AGBL1: variants seen among roughly 807,000 people sequenced by gnomAD.
AGBL1 encodes cytosolic carboxypeptidase 4.
In AGBL1, 130 loss-of-function variants were observed where a neutral mutation model predicts 118.9. That is an observed-to-expected ratio of 1.09 (90% CI 0.95 to 1.26). The LOEUF (loss-of-function observed/expected upper bound fraction) is 1.26, where lower values mean the gene tolerates loss of function less well. AGBL1 is among the 50% of genes most tolerant of loss of function. The pLI, the probability that AGBL1 is intolerant of heterozygous loss-of-function variation, is 0.00. For synonymous variants in AGBL1, 555 were observed against 478.9 expected (o/e 1.16, Z -2.08); for missense variants, 1,584 against 1,298.1 (o/e 1.22, Z -3.38).
chr15:86,529,792 G>A (rs916636175), intron 19 of AGBL1, among the ~76,000 whole-genome samples: 21 of 151,816 alleles, frequency 1.4e-4, no homozygotes, highest in Non-Finnish European at 3.1e-4. Context: ...GAAGAGACTG[G>A]GGGCCAATAT....
intron 21 of AGBL1, among the ~76,000 whole-genome samples, chr15:86,669,679 T>A (rs558627966): frequency 6.6e-6 from 1 of 152,346 alleles, no homozygotes; most frequent in African/African-American, 2.4e-5. Context: ...TAGGCATATA[T>A]AACTTTTAAA....
chr15:86,287,347 T>G (rs2141745948), intron 16 of AGBL1, among the ~76,000 whole-genome samples: 1 of 152,288 alleles, frequency 6.6e-6, no homozygotes, highest in Non-Finnish European at 1.5e-5. Context: ...TGCAGATGCC[T>G]TTTAGTTTGG....
At chr15:86,446,147 A>G (rs1034150755) in intron 18 of AGBL1, among the ~76,000 whole-genome samples, 2 of 152,198 alleles carry the variant, frequency 1.3e-5, no homozygotes, top group Non-Finnish European at 2.9e-5. Flanking sequence ...ATTCAAGAGG[A>G]TGAGCTAAAG....
intron 17 of AGBL1, chr15:86,296,086 A>T (rs1311062040): frequency 3.9e-5 from 6 of 152,236 alleles, no homozygotes; most frequent in South Asian, 2.1e-4. Flanking sequence ...ACGTATACAG[A>T]CACGTACACA....
chr15:86,571,065 G>T (rs564352180), intron 21 of AGBL1, among the ~76,000 whole-genome samples: 4 of 152,138 alleles, frequency 2.6e-5, no homozygotes, highest in Non-Finnish European at 5.9e-5. Flanking sequence ...GCTCTTGGCC[G>T]AGCTGTGGCT....
intron 22 of AGBL1, among the ~76,000 whole-genome samples, chr15:86,886,369 G>T (rs1363067414): frequency 1.3e-5 from 2 of 152,182 alleles, no homozygotes; most frequent in African/African-American, 4.8e-5. Context: ...TTTAAGGTAT[G>T]AATTCTCTTA....
At chr15:86,855,058 G>C (rs2079459150) in intron 22 of AGBL1, among the ~76,000 whole-genome samples, 1 of 152,198 alleles carries the variant, frequency 6.6e-6, no homozygotes. Context: ...CGCAGAGACA[G>C]GGAAATATGG....
rs115445289 is a variant in AGBL1 at position 86,812,682 on chromosome 15, C to A, written c.3159-94405C>A. On this transcript the variant is annotated intron_variant, in intron 22 of 22. Coordinates refer to ENST00000614907, the MANE Select transcript of AGBL1 (RefSeq NM_001386094.1). ...GTAGATCTGCAATGCACACAGATCC[C>A]CCTGCCTTGCCTCCCACCGCACAGC... Among the ~76,000 whole-genome samples the A allele has an allele frequency of 3.7e-3, 561 of 152,150 alleles. 6 individuals carry two copies. The highest frequency in any genetic ancestry group is 0.013 in the African/African-American group (529 of 41,504).
chr15:86,512,916 A>T (rs544489258), intron 18 of AGBL1, among the ~76,000 whole-genome samples: 2 of 150,832 alleles, frequency 1.3e-5, no homozygotes, highest in Admixed American at 1.3e-4. Flanking sequence ...ATTTTTTTTA[A>T]ATTATAGATT....
chr15:86,661,393 A>C (rs1188294925), intron 21 of AGBL1, among the ~76,000 whole-genome samples: 2 of 151,988 alleles, frequency 1.3e-5, no homozygotes, highest in Non-Finnish European at 2.9e-5. Flanking sequence ...CCAACTCCTA[A>C]AACAGAGTCA....
At chr15:86,921,879 T>C (rs1169622032) in intron 23 of AGBL1, among the ~76,000 whole-genome samples, 1 of 152,144 alleles carries the variant, frequency 6.6e-6, no homozygotes, top group Non-Finnish European at 1.5e-5. Context: ...GAGCAGTTGA[T>C]CTAGTAACGA....
intron 18 of AGBL1, among the ~76,000 whole-genome samples, chr15:86,436,096 T>TA (rs980834217): frequency 4.0e-5 from 6 of 149,548 alleles, no homozygotes; most frequent in Non-Finnish European, 8.9e-5. Flanking sequence ...TCTCTTTTTT[T>TA]TTTTTTTTTT....
At position 86,900,440 on chromosome 15, in the gene AGBL1, C is replaced by A. The variant is rs1033746991; in HGVS notation, c.3159-6647C>A. Among the ~76,000 whole-genome samples the A allele has an allele frequency of 3.3e-5, 5 of 152,252 alleles. No individual in the cohort carries two copies. The South Asian group carries it at 1.0e-3, about 32-fold the overall frequency. Reference sequence around the variant, plus strand: ...TAGTAATTTTCAGAAAACTCCTCAGCCTGCTTGACAAATGGGAAAATAATT... The same window carrying A: ...TAGTAATTTTCAGAAAACTCCTCAGACTGCTTGACAAATGGGAAAATAATT... On this transcript the variant is annotated intron_variant, in intron 22 of 22. Transcript: ENST00000614907.
At chr15:86,996,532 G>C (rs1411995856) in intron 24 of AGBL1, among the ~76,000 whole-genome samples, 2 of 152,172 alleles carry the variant, frequency 1.3e-5, no homozygotes, top group Non-Finnish European at 1.5e-5. Flanking sequence ...AGCCTGAGAG[G>C]TCAAAGCTGT....
At chr15:86,921,849 C>T (rs770593139) in intron 23 of AGBL1, among the ~76,000 whole-genome samples, 19 of 152,132 alleles carry the variant, frequency 1.2e-4, no homozygotes, top group Non-Finnish European at 2.5e-4. Flanking sequence ...AGACTGTCCG[C>T]TCTCCCATAT....
At position 86,365,070 on chromosome 15, in the gene AGBL1, T is replaced by C. The variant is rs910183076; in HGVS notation, c.2375-32296T>C. Among the ~76,000 whole-genome samples the C allele has an allele frequency of 3.6e-4, 54 of 149,464 alleles. 1 individual carries two copies. The highest frequency in any genetic ancestry group is 7.0e-4 in the Non-Finnish European group (47 of 67,552). The stretch of plus-strand genomic sequence containing the variant: ...ACACATATATATACACATATATATA[T>C]ACACACACACATATATATAATTGAT... On this transcript the variant is annotated intron_variant, in intron 17 of 22. Transcript: ENST00000614907.
At chr15:86,555,128 A>G (rs1313114706) in intron 21 of AGBL1, among the ~76,000 whole-genome samples, 2 of 152,214 alleles carry the variant, frequency 1.3e-5, no homozygotes, top group Admixed American at 6.5e-5. Flanking sequence ...TTCTACAGCT[A>G]TATTAACTGC....
intron 22 of AGBL1, among the ~76,000 whole-genome samples, chr15:86,761,225 A>T (rs2078019457): frequency 6.6e-6 from 1 of 152,114 alleles, no homozygotes; most frequent in Non-Finnish European, 1.5e-5. Context: ...GGAATACAAT[A>T]ACAAGTTCAT....
At chr15:86,692,631 T>C (rs1229937625) in intron 22 of AGBL1, among the ~76,000 whole-genome samples, 2 of 152,124 alleles carry the variant, frequency 1.3e-5, no homozygotes, top group African/African-American at 4.8e-5. Flanking sequence ...TTCCATTGAT[T>C]TTGGAGGGAA....
Sources: gnomAD v4.1 joint callset for allele counts (sites outside exome capture counted in the v4.1 genomes callset) on GRCh38, gnomAD v4.1.1 for gene constraint, MANE v1.5 for transcripts, NCBI Gene and HGNC (gene_info 2026-07-23, HGNC 2026-07-21) for gene names.